GNE: variants seen among roughly 807,000 people sequenced by gnomAD.
GNE encodes glucosamine (UDP-N-acetyl)-2-epimerase/N-acetylmannosamine kinase.
In GNE, 41 loss-of-function variants were observed where a neutral mutation model predicts 61.8. That is an observed-to-expected ratio of 0.66 (90% confidence interval 0.52 to 0.86). The LOEUF (loss-of-function observed/expected upper bound fraction) is 0.86. Ranked by LOEUF, GNE falls within the 40% of genes least tolerant of loss-of-function variation. The pLI, the probability that GNE is intolerant of heterozygous loss-of-function variation, is 0.00. For missense variants in GNE, 608 were observed against 909.1 expected, an observed-to-expected ratio of 0.67 and a Z score of 4.26; for synonymous variants, 264 against 326.4, an observed-to-expected ratio of 0.81 and a Z score of 2.06.
rs769454562 is a variant in GNE, at chr9:36,218,306, AGAGT to A, written c.1817-11_1817-8del. ...TCCACCAAGAGCAGGTCCTCTGAAC[AGAGT>A]GAGAAGGAAAAGCAGTCACTAATGA... On this transcript the variant is annotated splice_region_variant and splice_polypyrimidine_tract_variant and intron_variant, in intron 10 of 11. Coordinates refer to ENST00000642385, the MANE Select transcript of GNE (RefSeq NM_005476.7). This position sits in a 1 kb window ranked among gnomAD's most constrained non-coding sequence, Gnocchi z 4.1. 4.4e-6 allele frequency: 7 copies of A among 1,601,834 alleles called. No individual in the cohort carries two copies. In the African/African-American group the frequency reaches 9.4e-5, roughly 21 times the overall value.
chr9:36,215,124 A>T lies in GNE; in HGVS notation c.*2241T>A, dbSNP rs1828213274. On this transcript the variant is annotated 3_prime_UTR_variant, in exon 12 of 12. Transcript: ENST00000642385. ...CGGATCACCTGAGGTCAGGAGTTCA[A>T]GACCAGCCTGGCCAACATGGTGAAA... is the stretch of plus-strand genomic sequence containing the variant. 6.6e-6 allele frequency: 1 copy of T among 152,136 alleles called. No individual in the cohort carries two copies. Among genetic ancestry groups the T allele is most frequent in the African/African-American group, 2.4e-5 (1 of 41,406 alleles). 9.4% of individuals were successfully genotyped at this position (152,136 alleles called of 1,614,324 possible). A position where few individuals can be genotyped will look rare whatever the true frequency, so the allele number is the denominator to read the frequency against.
In GNE at chr9:36,224,196, C is replaced by A. The variant is rs545622895; in HGVS notation, c.1282-694G>T. On this transcript the variant is annotated intron_variant, in intron 7 of 11. Transcript: ENST00000642385. ...GTGGCTCACGCCTGTAATCCCGGCA[C>A]TTTGGGAGGCCAAGGCGGGAGAATC... Among the ~76,000 whole-genome samples the A allele has an allele frequency of 2.6e-5, 4 of 152,108 alleles. No homozygotes were observed. In the South Asian group the frequency reaches 8.3e-4, roughly 32 times the overall value.
chr9:36,228,132 AATAC>A (rs1268421227), intron 6 of GNE, among the ~76,000 whole-genome samples: 1 of 151,848 alleles, frequency 6.6e-6, no homozygotes, highest in Non-Finnish European at 1.5e-5. Flanking sequence ...GTACACAATA[AATAC>A]ATACAATTTT....
At chr9:36,229,317 T>A (rs918127369) in intron 5 of GNE, among the ~76,000 whole-genome samples, 3 of 151,762 alleles carry the variant, frequency 2.0e-5, no homozygotes, top group African/African-American at 7.2e-5. Context: ...TTAAGGGCCC[T>A]AGGGTCCTTT....
chr9:36,255,108 G>C (rs1268003301), intron 1 of GNE, among the ~76,000 whole-genome samples: 1 of 152,210 alleles, frequency 6.6e-6, no homozygotes, highest in Non-Finnish European at 1.5e-5. Flanking sequence ...TGAGTAACTG[G>C]TAAGTACGAG....
chr9:36,222,876 C>T lies in GNE; in HGVS notation c.1534G>A (p.Val512Met), dbSNP rs1279384333. Residue 512 changes from valine (V) to methionine (M), a missense_variant, in exon 9 of 12, where the codon GTG (valine) becomes ATG (methionine). Coordinates refer to ENST00000642385, the MANE Select transcript of GNE (RefSeq NM_005476.7). Reference protein sequence around the residue: ...TPLSDTLHLPVWVDNDGNCAA... With the variant: ...TPLSDTLHLPMWVDNDGNCAA... ...CAGTTGCCATCATTGTCTACCCACA[C>T]AGGGAGATGCAAAGTGTCAGAAAGG... 1 of 1,614,156 alleles carries T rather than the reference C, an allele frequency of 6.2e-7. No homozygotes were observed. Among genetic ancestry groups the T allele is most frequent in the Non-Finnish European group, 8.5e-7 (1 of 1,180,014 alleles).
At chr9:36,247,066 T>A (rs927929650) in intron 2 of GNE, among the ~76,000 whole-genome samples, 5 of 151,740 alleles carry the variant, frequency 3.3e-5, no homozygotes, top group Non-Finnish European at 5.9e-5. Flanking sequence ...CCCTTTTTTT[T>A]ATTTTTTTGA....
intron 1 of GNE, among the ~76,000 whole-genome samples, chr9:36,274,187 C>A (rs1310104809): frequency 1.3e-5 from 2 of 151,646 alleles, no homozygotes; most frequent in Non-Finnish European, 2.9e-5. Context: ...CCTCAACTTC[C>A]TAGGTTCAAG....
intron 7 of GNE, 69 bp downstream of exon 7, chr9:36,227,179 A>G (rs1828906024): frequency 1.1e-6 from 1 of 941,044 alleles, no homozygotes; most frequent in African/African-American, 1.6e-5. Flanking sequence ...CCTTCCAACT[A>G]TATATACTTA....
Position 36,234,227 on chromosome 9 carries a change from A to G in GNE, c.770-95T>C. The stretch of plus-strand genomic sequence containing the variant: ...TAGCCCACGTAAAGAAATCTCCCTA[A>G]AAAAACCTCACATCAGTTATTAGGG... On this transcript the variant is annotated intron_variant, in intron 4 of 11. Transcript: ENST00000642385. 3 of 943,596 alleles carry G rather than the reference A, an allele frequency of 3.2e-6. No homozygotes were observed. In the Admixed American group the frequency reaches 5.3e-5, roughly 17 times the overall value. The allele number at this position is 943,596 out of a possible 1,614,324, so 58.5% of individuals were successfully genotyped here. A position where few individuals can be genotyped will look rare whatever the true frequency, so the allele number is the denominator to read the frequency against.
intron 5 of GNE, among the ~76,000 whole-genome samples, chr9:36,229,554 C>A (rs982778113): frequency 6.6e-6 from 1 of 152,164 alleles, no homozygotes; most frequent in Non-Finnish European, 1.5e-5. Context: ...AATGGCCACA[C>A]TGTTCAATGG....
intron 8 of GNE, 141 bp from the exon 9 acceptor site, chr9:36,223,139 TAGAC>T: frequency 1.1e-6 from 1 of 872,334 alleles, no homozygotes; most frequent in Non-Finnish European, 1.9e-6. Flanking sequence ...AAGGAAATAT[TAGAC>T]AGTTGTGAAT....
intron 1 of GNE, 60 bp from the exon 2 acceptor site, chr9:36,249,457 T>C (rs1016740500): frequency 1.9e-6 from 2 of 1,042,108 alleles, no homozygotes; most frequent in East Asian, 2.5e-5. Flanking sequence ...AACTAAACTT[T>C]AAACTTCTCT....
At chr9:36,276,837 CT>C (rs1831279113) in intron 1 of GNE, 23 of 1,348,428 alleles carry the variant, frequency 1.7e-5, no homozygotes, top group Admixed American at 5.7e-5. Context: ...TTTTTCCCCC[CT>C]TTTTTTCTGA....
At chr9:36,274,789 CTCTGT>C (rs1197467910) in intron 1 of GNE, among the ~76,000 whole-genome samples, 1 of 151,228 alleles carries the variant, frequency 6.6e-6, no homozygotes, top group African/African-American at 2.4e-5. Context: ...GTGGCGCGAT[CTCTGT>C]TCACTGCAAG....
At chr9:36,232,122 C>G (rs1829182377) in intron 5 of GNE, among the ~76,000 whole-genome samples, 1 of 152,106 alleles carries the variant, frequency 6.6e-6, no homozygotes, top group Non-Finnish European at 1.5e-5. Context: ...ATCTTCTTCC[C>G]TTCTCATTCC....
In GNE at chr9:36,216,405, G is replaced by A. The variant is rs940410060; in HGVS notation, c.*960C>T. The A allele has an allele frequency of 2.8e-5, 9 of 320,530 alleles. 1 individual carries two copies. The highest frequency in any genetic ancestry group is 1.2e-4 in the Admixed American group (4 of 33,820). 19.9% of individuals were successfully genotyped at this position (320,530 alleles called of 1,614,324 possible). A position where few individuals can be genotyped will look rare whatever the true frequency, so the allele number is the denominator to read the frequency against. ...GGGTGGAGTGCAGTGGCATGATCTC[G>A]GCTCACTGCAACCTCCGCCTCCCGG... On this transcript the variant is annotated 3_prime_UTR_variant, in exon 12 of 12. Coordinates refer to ENST00000642385, the MANE Select transcript of GNE (RefSeq NM_005476.7).
Position 36,218,623 on chromosome 9 carries a change from C to G in GNE, c.1817-324G>C, listed in dbSNP as rs1234669050. Among the ~76,000 whole-genome samples, 2 of 152,234 alleles carry G rather than the reference C, an allele frequency of 1.3e-5. No homozygotes were observed. The highest frequency in any genetic ancestry group is 4.8e-5 in the African/African-American group (2 of 41,466). The stretch of plus-strand genomic sequence containing the variant: ...GTTCTTTTCTCCAAATTATCACCCT[C>G]CTCCCACATTCACTCCTTCCTTACT... On this transcript the variant is annotated intron_variant, in intron 10 of 11. Transcript: ENST00000642385. The surrounding 1 kb of genome is among the most constrained non-coding windows in gnomAD (Gnocchi z 4.1).
At chr9:36,246,585 AAAAT>A (rs1405888344) in intron 2 of GNE, 103 bp from the exon 3 acceptor site, 1 of 717,046 alleles carries the variant, frequency 1.4e-6, no homozygotes, top group Non-Finnish European at 2.4e-6. Flanking sequence ...GAGAAACATT[AAAAT>A]AAATAAATTG....
Sources: gnomAD v4.1 joint callset for allele counts (sites outside exome capture counted in the v4.1 genomes callset) on GRCh38, gnomAD v4.1.1 for gene constraint, Gnocchi (gnomAD v3.1) non-coding constraint, MANE v1.5 for transcripts, NCBI Gene and HGNC (gene_info 2026-07-23, HGNC 2026-07-21) for gene names.